ATP9A: variants seen among roughly 807,000 people sequenced by gnomAD.
ATP9A encodes the protein probable phospholipid-transporting ATPase IIA.
In ATP9A, 52 loss-of-function variants were observed where a neutral mutation model predicts 144.1. That is an observed-to-expected ratio of 0.36 (90% CI 0.29 to 0.45). The LOEUF (loss-of-function observed/expected upper bound fraction) is 0.45. ATP9A is among the 20% of genes least tolerant of loss of function. The pLI, the probability that ATP9A is intolerant of heterozygous loss-of-function variation, is 1.00. For missense variants in ATP9A, 947 were observed against 1,392.7 expected (o/e 0.68, Z 5.09); for synonymous variants, 582 against 557.4 (o/e 1.04, Z -0.62).
chr20:51,661,391 TCTCA>T (rs2077409924), intron 13 of ATP9A, among the ~76,000 whole-genome samples: 1 of 150,842 alleles, frequency 6.6e-6, no homozygotes, highest in Non-Finnish European at 1.5e-5. Flanking sequence ...TGAGACAGGG[TCTCA>T]CTCTGTTGCC....
At chr20:51,686,488 C>T (rs1167202219) in intron 9 of ATP9A, among the ~76,000 whole-genome samples, 1 of 151,590 alleles carries the variant, frequency 6.6e-6, no homozygotes, top group Admixed American at 6.6e-5. Context: ...GTATAACCCA[C>T]AAAAAGTGAA....
intron 1 of ATP9A, among the ~76,000 whole-genome samples, chr20:51,746,118 C>T (rs2122895864): frequency 6.6e-6 from 1 of 152,228 alleles, no homozygotes; most frequent in African/African-American, 2.4e-5. Flanking sequence ...TAAGTAGGAG[C>T]TAAGTGATAA....
chr20:51,755,886 C>T (rs11086356), intron 1 of ATP9A, among the ~76,000 whole-genome samples: 2,343 of 151,686 alleles, frequency 0.015, 59 homozygotes, highest in African/African-American at 0.054. Flanking sequence ...ACCTGGGAGG[C>T]GGAGCTTGCA....
intron 1 of ATP9A, among the ~76,000 whole-genome samples, chr20:51,731,907 A>G (rs750280616): frequency 1.2e-4 from 18 of 152,006 alleles, no homozygotes; most frequent in Non-Finnish European, 2.5e-4. Flanking sequence ...GAGCGGGGGA[A>G]TCTCCTCTCC....
At chr20:51,647,673 T>G (rs2077347415) in intron 14 of ATP9A, among the ~76,000 whole-genome samples, 1 of 152,028 alleles carries the variant, frequency 6.6e-6, no homozygotes, top group African/African-American at 2.4e-5. Flanking sequence ...GAGGTTGCAG[T>G]GAGCCAAGAT....
intron 13 of ATP9A, among the ~76,000 whole-genome samples, 186 bp from the exon 14 acceptor site, chr20:51,657,336 C>CA (rs1055012391): frequency 2.4e-4 from 33 of 134,896 alleles, no homozygotes; most frequent in South Asian, 4.8e-4. Flanking sequence ...TTATGCTCGG[C>CA]AAAAAAAAAA....
At chr20:51,702,678 G>T (rs1261781005) in intron 4 of ATP9A, among the ~76,000 whole-genome samples, 1 of 151,950 alleles carries the variant, frequency 6.6e-6, no homozygotes, top group Admixed American at 6.6e-5. Context: ...CTGACTCCCA[G>T]AATGAAAAAA....
At chr20:51,651,165 T>TACAC (rs140658156) in intron 14 of ATP9A, among the ~76,000 whole-genome samples, 2 of 140,282 alleles carry the variant, frequency 1.4e-5, no homozygotes, top group African/African-American at 5.4e-5. Flanking sequence ...TATATATATA[T>TACAC]ACACACACAC....
At chr20:51,607,606 G>A (rs2077168466) in intron 25 of ATP9A, 22 bp from the exon 26 acceptor site, 1 of 1,599,180 alleles carries the variant, frequency 6.3e-7, no homozygotes, top group Non-Finnish European at 8.6e-7. Context: ...ACAGAGAAAG[G>A]TTAGAGCCGG....
At chr20:51,688,185 A>G (rs372176159) in intron 9 of ATP9A, among the ~76,000 whole-genome samples, 5 of 152,238 alleles carry the variant, frequency 3.3e-5, no homozygotes, top group African/African-American at 1.2e-4. Context: ...TGTAACACAC[A>G]TAAGCACCCA....
intron 13 of ATP9A, among the ~76,000 whole-genome samples, chr20:51,658,888 C>CGGGGGGGGGGG (rs11477336): frequency 9.1e-5 from 5 of 54,836 alleles, no homozygotes; most frequent in African/African-American, 3.4e-4. Context: ...AGACCACTGG[C>CGGGGGGGGGGG]GGGGGGGGGG....
At chr20:51,683,349 C>G (rs1407172559) in intron 9 of ATP9A, among the ~76,000 whole-genome samples, 3 of 152,056 alleles carry the variant, frequency 2.0e-5, no homozygotes, top group Non-Finnish European at 4.4e-5. Flanking sequence ...ACTGCAACCT[C>G]CACCTCCCAG....
intron 1 of ATP9A, among the ~76,000 whole-genome samples, chr20:51,750,580 C>T (rs1160616555): frequency 6.6e-6 from 1 of 152,136 alleles, no homozygotes; most frequent in African/African-American, 2.4e-5. Flanking sequence ...GTGTGCCAAG[C>T]GCTGTGGCAA....
intron 15 of ATP9A, among the ~76,000 whole-genome samples, chr20:51,634,828 C>G (rs147030285): frequency 0.013 from 996 of 75,120 alleles, 10 homozygotes; most frequent in African/African-American, 0.037. Flanking sequence ...GCACTCCAGT[C>G]TGGGAAACAA....
rs183123938 is a variant in ATP9A, at chr20:51,613,233, C to T, written c.2571+444G>A. 1.1e-3 allele frequency among the ~76,000 whole-genome samples: 170 copies of T among 152,324 alleles called. 1 individual carries two copies. The highest frequency in any genetic ancestry group is 4.0e-3 in the African/African-American group (167 of 41,572). On this transcript the variant is annotated intron_variant, in intron 23 of 27. Transcript: ENST00000338821. ...TGTTCTCTGATGGCCCTTACCTCTGCAAAAGGTGAAAAACCAGGGCCTGAA... is the reference window on the plus strand; with the variant it reads ...TGTTCTCTGATGGCCCTTACCTCTGTAAAAGGTGAAAAACCAGGGCCTGAA...
intron 22 of ATP9A, 71 bp downstream of exon 22, chr20:51,617,419 G>A: frequency 2.7e-6 from 4 of 1,465,870 alleles, no homozygotes; most frequent in Non-Finnish European, 3.8e-6. Flanking sequence ...AAGGCTTAAA[G>A]CTGTGTCTTT....
intron 23 of ATP9A, among the ~76,000 whole-genome samples, chr20:51,612,917 G>A (rs2077190015): frequency 6.6e-6 from 1 of 152,150 alleles, no homozygotes; most frequent in South Asian, 2.1e-4. Context: ...CAATCTCAGT[G>A]CCAAGTGTCA....
chr20:51,729,701 C>A lies in ATP9A; in HGVS notation c.213+133G>T. On this transcript the variant is annotated intron_variant, in intron 2 of 27. Transcript: ENST00000338821. ...CGGAGGTTGCAGTGAGCCAAGATTGCGCCACTGCACTCCAGCCTGGGCGAC... is the reference window on the plus strand; with the variant it reads ...CGGAGGTTGCAGTGAGCCAAGATTGAGCCACTGCACTCCAGCCTGGGCGAC... 3.9e-6 allele frequency: 4 copies of A among 1,019,638 alleles called. No individual in the cohort carries two copies. In the South Asian group the frequency reaches 8.6e-5, roughly 22 times the overall value. 63.2% of individuals were successfully genotyped at this position (1,019,638 alleles called of 1,614,324 possible).
In ATP9A at chr20:51,597,115, T is replaced by G. The variant is rs1397816671; in HGVS notation, c.*4096A>C. ...TTTTGCAAATACCATGCCCCCCACCTGACCCCACAAACACAACAGTCACTG... is the reference window on the plus strand; with the variant it reads ...TTTTGCAAATACCATGCCCCCCACCGGACCCCACAAACACAACAGTCACTG... On this transcript the variant is annotated 3_prime_UTR_variant, in exon 28 of 28. Transcript: ENST00000338821. 6.6e-6 allele frequency: 1 copy of G among 152,206 alleles called. No individual in the cohort carries two copies. Among genetic ancestry groups the G allele is most frequent in the Non-Finnish European group, 1.5e-5 (1 of 68,054 alleles). The allele number at this position is 152,206 out of a possible 1,614,324, so 9.4% of individuals were successfully genotyped here.
Sources: allele counts gnomAD v4.1 joint callset (sites outside exome capture counted in the v4.1 genomes callset), GRCh38; gene constraint gnomAD v4.1.1; transcripts MANE v1.5; gene names NCBI Gene and HGNC (gene_info 2026-07-23, HGNC 2026-07-21).